GRID2: variants seen among roughly 807,000 people sequenced by gnomAD.
GRID2 encodes glutamate receptor ionotropic, delta-2.
A neutral mutation model predicts 114.8 loss-of-function variants in GRID2; 33 were observed. The observed-to-expected ratio is 0.29, with a 90% CI of 0.22 to 0.38. The LOEUF (loss-of-function observed/expected upper bound fraction) is 0.38. Among genes scored for constraint, GRID2 ranks in the 10% least tolerant of loss-of-function variants. The pLI, the probability that GRID2 is intolerant of heterozygous loss-of-function variation, is 1.00. For missense variants in GRID2, 1,184 were observed against 1,257.7 expected (o/e 0.94, Z 0.89); for synonymous variants, 505 against 449.9 (o/e 1.12, Z -1.55).
At chr4:92,774,492 G>A (rs1738691276) in intron 2 of GRID2, among the ~76,000 whole-genome samples, 1 of 150,240 alleles carries the variant, frequency 6.7e-6, no homozygotes, top group South Asian at 2.1e-4. Context: ...TGTTTATTGA[G>A]AATGAAATTA....
chr4:93,443,672 T>C (rs921095043), intron 10 of GRID2, among the ~76,000 whole-genome samples: 3 of 151,818 alleles, frequency 2.0e-5, no homozygotes, highest in Admixed American at 2.0e-4. Flanking sequence ...TGGAGGTTTA[T>C]CCCACACATG....
chr4:93,677,467 G>A (rs1293835932), intron 14 of GRID2, among the ~76,000 whole-genome samples: 2 of 152,214 alleles, frequency 1.3e-5, no homozygotes, highest in Non-Finnish European at 2.9e-5. Flanking sequence ...AGAACGGGCA[G>A]ACTGCCTCCT....
In GRID2 at chr4:93,465,683, A is replaced by G. The variant is rs147574777; in HGVS notation, c.1858+9709A>G. On this transcript the variant is annotated intron_variant, in intron 11 of 15. Transcript: ENST00000282020. ...GCCACGGCAAGAGATAGAATCAGCCATATTGTTTAATCCTTCAATATTCAT... is the reference window on the plus strand; with the variant it reads ...GCCACGGCAAGAGATAGAATCAGCCGTATTGTTTAATCCTTCAATATTCAT... 4.4e-3 allele frequency among the ~76,000 whole-genome samples: 664 copies of G among 152,322 alleles called. 7 individuals carry two copies. The highest frequency in any genetic ancestry group is 0.015 in the African/African-American group (620 of 41,586).
chr4:92,668,942 A>G (rs1214380570), intron 2 of GRID2, among the ~76,000 whole-genome samples: 3 of 151,884 alleles, frequency 2.0e-5, no homozygotes, highest in Non-Finnish European at 4.4e-5. Context: ...ACTTGGGAAA[A>G]GATTTTAGCA....
chr4:93,088,104 T>C (rs1392111893), intron 3 of GRID2, among the ~76,000 whole-genome samples: 1 of 152,176 alleles, frequency 6.6e-6, no homozygotes, highest in Non-Finnish European at 1.5e-5. Flanking sequence ...TAGACTTCTA[T>C]ATCAAGTTAA....
chr4:93,625,208 G>GC (rs1442342667), intron 13 of GRID2, among the ~76,000 whole-genome samples: 5 of 152,202 alleles, frequency 3.3e-5, no homozygotes, highest in Non-Finnish European at 7.3e-5. Flanking sequence ...TAGAAGCCTA[G>GC]TAACCCAAGG....
chr4:92,525,276 A>C (rs2149143811), intron 1 of GRID2, among the ~76,000 whole-genome samples: 1 of 152,194 alleles, frequency 6.6e-6, no homozygotes, highest in Admixed American at 6.6e-5. Flanking sequence ...CTCGGTGAAA[A>C]AAAAACAAAA....
At chr4:92,996,275 A>G (rs1755190156) in intron 2 of GRID2, among the ~76,000 whole-genome samples, 2 of 152,010 alleles carry the variant, frequency 1.3e-5, no homozygotes, top group South Asian at 4.1e-4. Context: ...CGTTGACAGA[A>G]CAAGACTCTC....
At chr4:93,534,345 T>C (rs1731811722) in intron 13 of GRID2, among the ~76,000 whole-genome samples, 1 of 152,174 alleles carries the variant, frequency 6.6e-6, no homozygotes, top group Non-Finnish European at 1.5e-5. Context: ...GATATACATA[T>C]ACTCAGTGAA....
intron 3 of GRID2, among the ~76,000 whole-genome samples, chr4:93,098,905 T>G (rs1421788950): frequency 6.6e-6 from 1 of 151,744 alleles, no homozygotes; most frequent in African/African-American, 2.4e-5. Flanking sequence ...ATTCATGTGT[T>G]GGCTTCATTC....
intron 1 of GRID2, among the ~76,000 whole-genome samples, chr4:92,543,709 C>T (rs1726097093): frequency 6.6e-6 from 1 of 152,100 alleles, no homozygotes; most frequent in Non-Finnish European, 1.5e-5. Context: ...GTAATTCTTT[C>T]CCTAATATTT....
At chr4:93,438,538 G>A (rs1721320302) in intron 10 of GRID2, among the ~76,000 whole-genome samples, 1 of 152,058 alleles carries the variant, frequency 6.6e-6, no homozygotes, top group Non-Finnish European at 1.5e-5. Flanking sequence ...AGGTAGGCCT[G>A]AGAATGCATT....
intron 2 of GRID2, among the ~76,000 whole-genome samples, chr4:92,890,555 AC>A (rs1746700925): frequency 6.6e-6 from 1 of 152,202 alleles, no homozygotes; most frequent in Non-Finnish European, 1.5e-5. Context: ...AAATCAAACC[AC>A]AATGAGATGC....
intron 2 of GRID2, among the ~76,000 whole-genome samples, chr4:92,918,939 C>A (rs1749058578): frequency 6.6e-6 from 1 of 152,118 alleles, no homozygotes; most frequent in Admixed American, 6.5e-5. Flanking sequence ...CCAGTTCCTC[C>A]TTGTACCTCT....
intron 13 of GRID2, among the ~76,000 whole-genome samples, chr4:93,517,960 T>A (rs1199720617): frequency 1.1e-4 from 4 of 36,356 alleles, no homozygotes; most frequent in East Asian, 8.3e-4. Context: ...TGTATATGTA[T>A]GTATATACAT....
intron 2 of GRID2, among the ~76,000 whole-genome samples, chr4:92,744,535 A>G (rs1049306319): frequency 6.6e-6 from 1 of 151,946 alleles, no homozygotes; most frequent in African/African-American, 2.4e-5. Flanking sequence ...GTACATGAAA[A>G]TGTGTGACTC....
intron 2 of GRID2, among the ~76,000 whole-genome samples, chr4:92,629,145 T>C (rs965365458): frequency 2.6e-5 from 4 of 152,080 alleles, no homozygotes; most frequent in Non-Finnish European, 5.9e-5. Flanking sequence ...TTACCTCAGA[T>C]TAAACAGTAG....
intron 10 of GRID2, among the ~76,000 whole-genome samples, chr4:93,449,412 C>G (rs1019955510): frequency 3.9e-5 from 6 of 151,968 alleles, no homozygotes; most frequent in African/African-American, 1.4e-4. Context: ...TATTCAAAAT[C>G]AGAAATAAAA....
chr4:93,131,462 A>G lies in GRID2; in HGVS notation c.735+20509A>G, dbSNP rs1050602003. Among the ~76,000 whole-genome samples the G allele has an allele frequency of 7.9e-5, 12 of 151,902 alleles. 1 individual carries two copies. Among genetic ancestry groups the G allele is most frequent in the Non-Finnish European group, 1.5e-4 (10 of 67,988 alleles). ...CCACCACGCCTGCCCAATTAAAACA[A>G]CATTTTTAAAATCCAGTCTAATCTC... On this transcript the variant is annotated intron_variant, in intron 4 of 15. Transcript: ENST00000282020.
Sources: allele counts gnomAD v4.1 joint callset (sites outside exome capture counted in the v4.1 genomes callset), GRCh38; gene constraint gnomAD v4.1.1; transcripts MANE v1.5; gene names NCBI Gene and HGNC (gene_info 2026-07-23, HGNC 2026-07-21).